The following TENM3 variants were observed in gnomAD, a reference collection of about 807,000 sequenced individuals.
TENM3 encodes teneurin-3.
TENM3 carries 63 observed loss-of-function variants against 255.1 expected under a neutral mutation model. That is an observed-to-expected ratio of 0.25 (90% confidence interval 0.20 to 0.30). The LOEUF (loss-of-function observed/expected upper bound fraction) is 0.30. Among genes scored for constraint, TENM3 ranks in the 10% least tolerant of loss-of-function variants. The pLI, the probability that TENM3 is intolerant of heterozygous loss-of-function variation, is 1.00. For missense variants in TENM3, 2,929 were observed against 3,461.1 expected, an observed-to-expected ratio of 0.85 and a Z score of 3.86; for synonymous variants, 1,306 against 1,322.3, an observed-to-expected ratio of 0.99 and a Z score of 0.27.
At chr4:182,357,901 G>A (rs1395435023) in intron 3 of TENM3, among the ~76,000 whole-genome samples, 2 of 151,816 alleles carry the variant, frequency 1.3e-5, no homozygotes, top group South Asian at 4.2e-4. Flanking sequence ...TGTATAAGGT[G>A]TAAGGAAGGG....
the TENM3 span, among the ~76,000 whole-genome samples, chr4:181,729,343 G>GC: frequency 3.3e-5 from 5 of 152,130 alleles, no homozygotes; most frequent in Non-Finnish European, 7.3e-5. Flanking sequence ...AAACGTGCTT[G>GC]CCAGGATGAC....
chr4:182,319,701 A>C (rs942538944), intron 1 of TENM3, among the ~76,000 whole-genome samples: 2 of 152,244 alleles, frequency 1.3e-5, no homozygotes, highest in Admixed American at 1.3e-4. Flanking sequence ...TATTACCACA[A>C]AGTTGCATCT....
the TENM3 span, among the ~76,000 whole-genome samples, chr4:181,575,326 A>C: frequency 6.6e-6 from 1 of 152,148 alleles, no homozygotes; most frequent in Non-Finnish European, 1.5e-5. Context: ...TATTGTAGTT[A>C]ATTATTCCAT....
At chr4:181,636,799 G>A in the TENM3 span, among the ~76,000 whole-genome samples, 1 of 152,142 alleles carries the variant, frequency 6.6e-6, no homozygotes, top group Non-Finnish European at 1.5e-5. Flanking sequence ...TAGCTAAACG[G>A]ATCATGTCAC....
At chr4:182,499,058 T>C (rs1736074116) in intron 3 of TENM3, among the ~76,000 whole-genome samples, 1 of 152,174 alleles carries the variant, frequency 6.6e-6, no homozygotes, top group African/African-American at 2.4e-5. Flanking sequence ...GGTAGAAGCC[T>C]GAAAATAAAG....
intron 3 of TENM3, among the ~76,000 whole-genome samples, chr4:182,430,576 G>A (rs1561438184): frequency 6.6e-6 from 1 of 152,032 alleles, no homozygotes; most frequent in Non-Finnish European, 1.5e-5. Flanking sequence ...AGATTGTAGA[G>A]TGGGTTGAAG....
chr4:181,645,069 T>G, the TENM3 span, among the ~76,000 whole-genome samples: 1 of 152,196 alleles, frequency 6.6e-6, no homozygotes, highest in Non-Finnish European at 1.5e-5. Flanking sequence ...ATAAAGTGTT[T>G]TCCAAAAATT....
the TENM3 span, among the ~76,000 whole-genome samples, chr4:181,483,516 G>T: frequency 6.6e-6 from 1 of 152,038 alleles, no homozygotes; most frequent in African/African-American, 2.4e-5. Flanking sequence ...CCAAAGAATT[G>T]AAAACAAAAG....
the TENM3 span, among the ~76,000 whole-genome samples, chr4:181,473,574 A>T: frequency 1.3e-5 from 2 of 152,080 alleles, no homozygotes; most frequent in African/African-American, 4.8e-5. Context: ...CCTGGGTGAC[A>T]GAGTGAGACT....
chr4:182,161,913 ATG>A (rs55695513), intron 1 of TENM3, among the ~76,000 whole-genome samples: 2 of 15,592 alleles, frequency 1.3e-4, no homozygotes, highest in African/African-American at 3.0e-4. Context: ...ATACACACAC[ATG>A]TATGTGTATA....
chr4:181,790,951 A>G, the TENM3 span, among the ~76,000 whole-genome samples: 1 of 152,164 alleles, frequency 6.6e-6, no homozygotes. Context: ...CCTGGCCCCC[A>G]TACTCCAGCA....
At chr4:182,161,769 GTA>G (rs372306577) in intron 1 of TENM3, among the ~76,000 whole-genome samples, 19,037 of 24,402 alleles carry the variant, frequency 0.78, 8,255 homozygotes, top group African/African-American at 0.81. Context: ...ATATATATGT[GTA>G]TATATATATA....
chr4:182,357,460 G>A (rs1421301264), intron 3 of TENM3, among the ~76,000 whole-genome samples: 2 of 152,058 alleles, frequency 1.3e-5, no homozygotes, highest in Non-Finnish European at 2.9e-5. Context: ...GCATTTCTCT[G>A]ATGGCCAGTG....
chr4:182,452,364 G>A (rs1773536560), intron 3 of TENM3, among the ~76,000 whole-genome samples: 1 of 151,968 alleles, frequency 6.6e-6, no homozygotes, highest in Non-Finnish European at 1.5e-5. Flanking sequence ...CCAGTAAACT[G>A]TACCCTTCTG....
At chr4:182,065,489 A>C in the TENM3 span, among the ~76,000 whole-genome samples, 1 of 152,224 alleles carries the variant, frequency 6.6e-6, no homozygotes, top group African/African-American at 2.4e-5. Context: ...GGAGGAAGAG[A>C]GCAAAGATAA....
At chr4:182,710,086 A>T (rs961625837) in intron 12 of TENM3, among the ~76,000 whole-genome samples, 7 of 152,194 alleles carry the variant, frequency 4.6e-5, no homozygotes, top group African/African-American at 1.7e-4. Flanking sequence ...GCTAATCCAG[A>T]TCAGAATTAA....
chr4:181,453,394 T>C, the TENM3 span, among the ~76,000 whole-genome samples: 1 of 152,152 alleles, frequency 6.6e-6, no homozygotes, highest in Admixed American at 6.5e-5. Context: ...CATCCTGTTT[T>C]GTGGCACTGA....
At chr4:181,796,094 T>C in the TENM3 span, among the ~76,000 whole-genome samples, 1 of 152,226 alleles carries the variant, frequency 6.6e-6, no homozygotes, top group Non-Finnish European at 1.5e-5. Flanking sequence ...AAATGTTTTA[T>C]GGTTGTTGTA....
chr4:182,287,620 T>TTTA (rs1241355463), intron 1 of TENM3, among the ~76,000 whole-genome samples: 1 of 151,882 alleles, frequency 6.6e-6, no homozygotes, highest in Non-Finnish European at 1.5e-5. Context: ...TGTTTATTTA[T>TTTA]TTATTTTTTT....
Sources: allele counts gnomAD v4.1 joint callset (sites outside exome capture counted in the v4.1 genomes callset), GRCh38; gene constraint gnomAD v4.1.1; transcripts MANE v1.5; gene names NCBI Gene and HGNC (gene_info 2026-07-23, HGNC 2026-07-21).